CLSTN2: variants seen among roughly 807,000 people sequenced by gnomAD.
CLSTN2 encodes the protein calsyntenin 2.
CLSTN2 carries 48 observed loss-of-function variants against 101.2 expected under a neutral mutation model. The observed-to-expected ratio is 0.47, with a 90% CI of 0.38 to 0.60. The LOEUF is 0.60. Ranked by LOEUF, CLSTN2 falls within the 20% of genes least tolerant of loss-of-function variation. CLSTN2 has a pLI of 0.00. For missense variants in CLSTN2, 1,160 were observed against 1,238.2 expected, an observed-to-expected ratio of 0.94 and a Z score of 0.95; for synonymous variants, 481 against 463.6, an observed-to-expected ratio of 1.04 and a Z score of -0.48.
chr3:140,560,376 TGTTA>T (rs1418528943), intron 12 of CLSTN2, among the ~76,000 whole-genome samples: 2 of 152,180 alleles, frequency 1.3e-5, no homozygotes, highest in Non-Finnish European at 2.9e-5. Flanking sequence ...CCTCACACTC[TGTTA>T]GTTCACACCT....
chr3:139,992,952 A>T (rs545331292), intron 1 of CLSTN2, among the ~76,000 whole-genome samples: 1 of 152,094 alleles, frequency 6.6e-6, no homozygotes, highest in African/African-American at 2.4e-5. Flanking sequence ...TCTGCATCCT[A>T]TTGGGACGAA....
At chr3:140,442,796 A>C (rs1932982052) in intron 5 of CLSTN2, among the ~76,000 whole-genome samples, 1 of 152,136 alleles carries the variant, frequency 6.6e-6, no homozygotes. Flanking sequence ...ATTAAATCCA[A>C]ACCTCTTACC....
At chr3:140,307,577 G>A (rs1006838567) in intron 2 of CLSTN2, among the ~76,000 whole-genome samples, 3 of 152,288 alleles carry the variant, frequency 2.0e-5, no homozygotes, top group East Asian at 1.9e-4. Context: ...CTTTGGAGGC[G>A]GTACTTAGTC....
At chr3:140,290,229 T>A (rs1035252965) in intron 2 of CLSTN2, among the ~76,000 whole-genome samples, 25 of 152,220 alleles carry the variant, frequency 1.6e-4, no homozygotes, top group African/African-American at 5.8e-4. Context: ...ATCTCACAGT[T>A]AGTTCAGTGA....
chr3:140,494,677 G>A (rs772673931), intron 8 of CLSTN2, among the ~76,000 whole-genome samples: 18 of 152,046 alleles, frequency 1.2e-4, no homozygotes, highest in African/African-American at 1.7e-4. Context: ...ATGTGTTCTC[G>A]TCATTCAGCT....
At chr3:140,083,298 A>C (rs1560089613) in intron 1 of CLSTN2, among the ~76,000 whole-genome samples, 2 of 152,196 alleles carry the variant, frequency 1.3e-5, no homozygotes, top group African/African-American at 4.8e-5. Flanking sequence ...TTGCTATCTG[A>C]TTAATCTGTA....
In CLSTN2 at chr3:140,448,548, G is replaced by C; in HGVS notation, c.817G>C (p.Gly273Arg). The part of the protein sequence containing the change: ...DWTKRIEYQP[G>R]SGSMPLFPSI... ...GACCAAGAGGATTGAGTACCAGCCT[G>C]GCTCCGGGAGCATGCCCCTGTTCCC... The change falls in exon 6 of 17, where the codon GGC (glycine) becomes CGC (arginine). Residue 273 changes from glycine to arginine, a missense_variant. Gly to Arg is a moderately radical substitution (Grantham distance 125). Transcript: ENST00000458420. The C allele has an allele frequency of 1.2e-6, 2 of 1,614,034 alleles. No individual in the cohort carries two copies. The highest frequency in any genetic ancestry group is 1.7e-6 in the Non-Finnish European group (2 of 1,179,978).
At chr3:140,012,995 T>C (rs543232007) in intron 1 of CLSTN2, among the ~76,000 whole-genome samples, 2 of 152,154 alleles carry the variant, frequency 1.3e-5, no homozygotes, top group Admixed American at 1.3e-4. Flanking sequence ...GAGGGCTGTC[T>C]TGGCCCAGGC....
chr3:140,439,174 A>C (rs148914045), intron 5 of CLSTN2, among the ~76,000 whole-genome samples: 1 of 152,352 alleles, frequency 6.6e-6, no homozygotes, highest in East Asian at 1.9e-4. Flanking sequence ...CCTTCCAGGA[A>C]CGGAATGTGG....
chr3:140,008,924 C>A (rs1394665302), intron 1 of CLSTN2, among the ~76,000 whole-genome samples: 1 of 152,184 alleles, frequency 6.6e-6, no homozygotes, highest in African/African-American at 2.4e-5. Flanking sequence ...ATTTGTTTTG[C>A]AGACTTTCTC....
intron 1 of CLSTN2, among the ~76,000 whole-genome samples, chr3:140,112,259 C>G (rs543108605): frequency 6.6e-6 from 1 of 152,190 alleles, no homozygotes; most frequent in East Asian, 1.9e-4. Flanking sequence ...GTCTTCTAAG[C>G]GATTTCAGGA....
chr3:140,566,255 G>T lies in CLSTN2; in HGVS notation c.*2G>T, dbSNP rs1440575623. Reference sequence around the variant, plus strand: ...GATGACTCCACCCTCCCCTACTAGTGCCCAGGGGTCTGCTGCCTGGCCCAC... The same window carrying T: ...GATGACTCCACCCTCCCCTACTAGTTCCCAGGGGTCTGCTGCCTGGCCCAC... On this transcript the variant is annotated 3_prime_UTR_variant, in exon 17 of 17. Coordinates refer to ENST00000458420, the MANE Select transcript of CLSTN2 (RefSeq NM_022131.3). 1 of 1,560,418 alleles carries T rather than the reference G, an allele frequency of 6.4e-7. No individual in the cohort carries two copies. Among genetic ancestry groups the T allele is most frequent in the Non-Finnish European group, 8.7e-7 (1 of 1,152,332 alleles).
At chr3:140,092,271 T>G (rs1044548857) in intron 1 of CLSTN2, among the ~76,000 whole-genome samples, 2 of 152,324 alleles carry the variant, frequency 1.3e-5, no homozygotes, top group Admixed American at 6.5e-5. Flanking sequence ...CTTTTGGACA[T>G]GCTGGATAAT....
chr3:140,457,604 TA>T (rs1251493883), intron 6 of CLSTN2, among the ~76,000 whole-genome samples: 2 of 152,196 alleles, frequency 1.3e-5, no homozygotes, highest in Admixed American at 1.3e-4. Context: ...ATCACATAAG[TA>T]ACATGGATAT....
At chr3:140,519,991 A>T (rs1182540365) in intron 8 of CLSTN2, among the ~76,000 whole-genome samples, 1 of 152,186 alleles carries the variant, frequency 6.6e-6, no homozygotes, top group Admixed American at 6.5e-5. Flanking sequence ...AGCTCTTGCA[A>T]GGCTGGCCTG....
In CLSTN2 at chr3:140,568,265, A is replaced by G. The variant is rs1985367051; in HGVS notation, c.*2012A>G. ...GCTGAATAAGATAAGCTCCTTCCCTACATTATATTTGCAGACGGGAAATAA... is the reference window on the plus strand; with the variant it reads ...GCTGAATAAGATAAGCTCCTTCCCTGCATTATATTTGCAGACGGGAAATAA... On this transcript the variant is annotated 3_prime_UTR_variant, in exon 17 of 17. Transcript: ENST00000458420. The G allele has an allele frequency of 6.6e-6, 1 of 152,248 alleles. No homozygotes were observed. 9.4% of individuals were successfully genotyped at this position (152,248 alleles called of 1,614,324 possible).
At chr3:140,320,349 G>A (rs1158351246) in intron 2 of CLSTN2, among the ~76,000 whole-genome samples, 1 of 152,098 alleles carries the variant, frequency 6.6e-6, no homozygotes, top group Non-Finnish European at 1.5e-5. Context: ...TTCAGTCATG[G>A]GTTTAAAAAG....
chr3:140,153,448 T>C (rs2009900534), intron 1 of CLSTN2, among the ~76,000 whole-genome samples: 2 of 152,224 alleles, frequency 1.3e-5, no homozygotes, highest in Non-Finnish European at 2.9e-5. Context: ...GGGCTTCCCC[T>C]CCAGTTCTGG....
chr3:140,449,355 A>G (rs1191134333), intron 6 of CLSTN2: 1 of 152,186 alleles, frequency 6.6e-6, no homozygotes, highest in Non-Finnish European at 1.5e-5. Context: ...CCAATACACA[A>G]AACCAAAAGT....
Sources: allele counts gnomAD v4.1 joint callset (sites outside exome capture counted in the v4.1 genomes callset), GRCh38; gene constraint gnomAD v4.1.1; transcripts MANE v1.5; gene names NCBI Gene and HGNC (gene_info 2026-07-23, HGNC 2026-07-21).